The following DDX46 variants were observed in gnomAD, a reference collection of about 807,000 sequenced individuals.
The protein encoded by DDX46 is probable ATP-dependent RNA helicase DDX46.
A neutral mutation model predicts 134.9 loss-of-function variants in DDX46; 30 were observed. That is an observed-to-expected ratio of 0.22 (90% CI 0.17 to 0.30). DDX46 has a LOEUF of 0.30. Ranked by LOEUF, DDX46 falls within the 10% of genes least tolerant of loss-of-function variation. The pLI is 1.00. For missense variants in DDX46, 622 were observed against 1,248.7 expected, an observed-to-expected ratio of 0.50 and a Z score of 7.56; for synonymous variants, 415 against 404.1, an observed-to-expected ratio of 1.03 and a Z score of -0.32.
intron 18 of DDX46, among the ~76,000 whole-genome samples, chr5:134,812,896 C>T (rs895700856): frequency 8.5e-5 from 13 of 152,156 alleles, no homozygotes; most frequent in Non-Finnish European, 8.8e-5. Context: ...CCTTGGCCTC[C>T]CATAGTGTTG....
chr5:134,765,537 A>C (rs746908303), intron 2 of DDX46, among the ~76,000 whole-genome samples: 4 of 151,952 alleles, frequency 2.6e-5, no homozygotes, highest in Non-Finnish European at 4.4e-5. Context: ...TGGGCGACAG[A>C]TCAGGACTCC....
At chr5:134,802,868 ATG>A (rs1457202846) in intron 15 of DDX46, among the ~76,000 whole-genome samples, 1 of 152,154 alleles carries the variant, frequency 6.6e-6, no homozygotes, top group African/African-American at 2.4e-5. Flanking sequence ...CAATTCTCTG[ATG>A]TCCCCGTCAA....
intron 21 of DDX46, among the ~76,000 whole-genome samples, chr5:134,821,136 C>T (rs1755435980): frequency 1.3e-5 from 2 of 151,242 alleles, no homozygotes; most frequent in African/African-American, 2.4e-5. Context: ...CTCCCGGGTT[C>T]ACGCCATTCT....
intron 5 of DDX46, 115 bp from the exon 6 acceptor site, chr5:134,777,459 G>A (rs1396432951): frequency 6.0e-6 from 7 of 1,168,032 alleles, no homozygotes; most frequent in African/African-American, 1.6e-5. Context: ...TGGAGTAATT[G>A]GAAAAGGGGT....
intron 16 of DDX46, among the ~76,000 whole-genome samples, chr5:134,808,546 A>G (rs879713236): frequency 1.9e-4 from 29 of 152,202 alleles, no homozygotes; most frequent in Non-Finnish European, 3.4e-4. Flanking sequence ...AATCATTGTA[A>G]GTCGGGGACC....
chr5:134,817,382 A>G (rs1561873788), intron 19 of DDX46, 114 bp from the exon 20 acceptor site: 3 of 1,001,326 alleles, frequency 3.0e-6, no homozygotes, highest in East Asian at 2.6e-5. Context: ...AGAAAGGTTT[A>G]TTTATTAAAC....
chr5:134,807,716 A>G (rs773617009), intron 15 of DDX46, 32 bp from the exon 16 acceptor site: 1 of 1,560,642 alleles, frequency 6.4e-7, no homozygotes, highest in East Asian at 2.3e-5. Flanking sequence ...TTTAATTTGA[A>G]CATGTTTTAA....
chr5:134,773,859 A>G lies in DDX46; in HGVS notation c.611A>G (p.Asp204Gly), dbSNP rs1753849530. The G allele has an allele frequency of 6.3e-7, 1 of 1,598,182 alleles. No individual in the cohort carries two copies. The highest frequency in any genetic ancestry group is 8.5e-7 in the Non-Finnish European group (1 of 1,174,246). Residue 204 changes from aspartate to glycine, a missense_variant and splice_region_variant, in exon 5 of 23, where the codon GAT becomes GGT. Transcript: ENST00000452510. ...QGKKWSLEDD[D>G]DDEDDPAEAE... is the part of the protein sequence containing the mutation. ...AAAAAGTGGAGTTTAGAGGACGATG[A>G]TGGTATATTTTTTAGCCTAATAGCC...
chr5:134,822,591 G>A (rs1055573338), intron 21 of DDX46, among the ~76,000 whole-genome samples: 1 of 151,668 alleles, frequency 6.6e-6, no homozygotes. Flanking sequence ...CTCCCACATC[G>A]GCCTCCCAAA....
chr5:134,817,785 T>A, intron 20 of DDX46, 71 bp downstream of exon 20: 1 of 1,302,308 alleles, frequency 7.7e-7, no homozygotes. Context: ...ATCTCATCTT[T>A]AAAACCCATG....
At chr5:134,810,822 A>G (rs1755121210) in intron 16 of DDX46, among the ~76,000 whole-genome samples, 3 of 150,192 alleles carry the variant, frequency 2.0e-5, no homozygotes, top group Admixed American at 1.3e-4. Context: ...CCTGGCCGAC[A>G]TGGTGAAACC....
At chr5:134,816,116 C>T (rs955825284) in intron 18 of DDX46, among the ~76,000 whole-genome samples, 6 of 152,200 alleles carry the variant, frequency 3.9e-5, no homozygotes. Flanking sequence ...CTTGAAAGCA[C>T]ATGTTTCCTC....
chr5:134,796,057 T>G lies in DDX46; in HGVS notation c.1861T>G (p.Ser621Ala). The G allele has an allele frequency of 1.2e-6, 2 of 1,613,946 alleles. No individual in the cohort carries two copies. Among genetic ancestry groups the G allele is most frequent in the Admixed American group, 1.7e-5 (1 of 60,020 alleles). ...TCTAGGCCATTATCAAGAGTCAGGA[T>G]CTGTCATTATATTTGTGGATAAGCA... is the stretch of plus-strand genomic sequence containing the variant. ...ELLGHYQESG[S>A]VIIFVDKQEH... Residue 621 changes from serine to alanine, a missense_variant, in exon 15 of 23, where the codon TCT becomes GCT. This residue lies in a region of DDX46 where 209 missense variants were observed against 508.4 expected (regional missense o/e 0.41). Transcript: ENST00000452510.
intron 21 of DDX46, among the ~76,000 whole-genome samples, chr5:134,824,799 T>G (rs2150163268): frequency 6.6e-6 from 1 of 152,324 alleles, no homozygotes; most frequent in Admixed American, 6.5e-5. Flanking sequence ...TCTAGTTCTG[T>G]AATTGGAGGG....
At chr5:134,800,397 C>T (rs1754790814) in intron 15 of DDX46, among the ~76,000 whole-genome samples, 1 of 152,080 alleles carries the variant, frequency 6.6e-6, no homozygotes, top group Non-Finnish European at 1.5e-5. Flanking sequence ...CATGTTGTTG[C>T]ATGTATCAGT....
chr5:134,797,111 G>T (rs187137650), intron 15 of DDX46: 1 of 207,706 alleles, frequency 4.8e-6, no homozygotes, highest in South Asian at 6.0e-5. Flanking sequence ...AAGTTGCGGT[G>T]AGCGGAGATT....
chr5:134,780,943 T>A (rs1004928086), intron 6 of DDX46, 190 bp from the exon 7 acceptor site: 1 of 407,842 alleles, frequency 2.5e-6, no homozygotes, highest in Non-Finnish European at 4.3e-6. Flanking sequence ...ATGGGACGAA[T>A]CCTTGAGCCC....
chr5:134,804,509 C>T (rs1754925551), intron 15 of DDX46, among the ~76,000 whole-genome samples: 1 of 152,102 alleles, frequency 6.6e-6, no homozygotes, highest in Non-Finnish European at 1.5e-5. Context: ...ACAATCACAG[C>T]TTACTGTAGC....
At chr5:134,805,532 C>CT (rs554379717) in intron 15 of DDX46, among the ~76,000 whole-genome samples, 2,406 of 137,770 alleles carry the variant, frequency 0.017, 26 homozygotes, top group East Asian at 0.047. Flanking sequence ...CTTTTCTTTT[C>CT]TTTTTTTTTT....
Sources: allele counts gnomAD v4.1 joint callset (sites outside exome capture counted in the v4.1 genomes callset), GRCh38; gene constraint gnomAD v4.1.1; regional missense constraint gnomAD v4.1.1; transcripts MANE v1.5; gene names NCBI Gene and HGNC (gene_info 2026-07-23, HGNC 2026-07-21).